COL13A1: variants seen among roughly 807,000 people sequenced by gnomAD.
COL13A1 encodes collagen alpha-1(XIII) chain.
COL13A1 carries 89 observed loss-of-function variants against 130.9 expected under a neutral mutation model. That is an observed-to-expected ratio of 0.68 (90% CI 0.57 to 0.81). The LOEUF (loss-of-function observed/expected upper bound fraction) is 0.81. Ranked by LOEUF, COL13A1 falls within the 30% of genes least tolerant of loss-of-function variation. The pLI, the probability that COL13A1 is intolerant of heterozygous loss-of-function variation, is 0.00. For synonymous variants in COL13A1, 402 were observed against 341.6 expected (o/e 1.18, Z -1.95); for missense variants, 879 against 934.6 (o/e 0.94, Z 0.78).
chr10:69,875,500 C>T (rs1274653372), intron 5 of COL13A1, among the ~76,000 whole-genome samples: 3 of 152,190 alleles, frequency 2.0e-5, no homozygotes, highest in East Asian at 1.9e-4. Flanking sequence ...ACTGCCACTC[C>T]GCCCCCCAAA....
chr10:69,894,407 C>A (rs1043195240), intron 10 of COL13A1, 145 bp from the exon 11 acceptor site: 1 of 902,018 alleles, frequency 1.1e-6, no homozygotes, highest in Non-Finnish European at 1.7e-6. Flanking sequence ...AATAAGACAT[C>A]TTGAATGTGG....
intron 39 of COL13A1, among the ~76,000 whole-genome samples, chr10:69,954,425 C>A (rs2070234468): frequency 6.6e-6 from 1 of 152,220 alleles, no homozygotes; most frequent in Admixed American, 6.5e-5. Context: ...TTTTCAGAAC[C>A]ATGACTCACT....
chr10:69,889,596 C>T (rs2060961219), intron 10 of COL13A1, among the ~76,000 whole-genome samples, 156 bp downstream of exon 10: 1 of 152,164 alleles, frequency 6.6e-6, no homozygotes, highest in Non-Finnish European at 1.5e-5. Flanking sequence ...GCCCTGGATC[C>T]TCACATCAAT....
Position 69,895,586 on chromosome 10 carries a change from C to A in COL13A1, c.684+10C>A, listed in dbSNP as rs770150592. ...AGAGTACCCACACCGGGTAAGTGAA[C>A]CCCTAAAATTTAGCAGGGCACTTTG... On this transcript the variant is annotated intron_variant, in intron 13 of 40. Transcript: ENST00000645393. 1.2e-6 allele frequency: 2 copies of A among 1,613,870 alleles called. No individual in the cohort carries two copies. The highest frequency in any genetic ancestry group is 3.3e-4 in the Middle Eastern group (2 of 6,062).
At chr10:69,935,582 A>G in intron 32 of COL13A1, among the ~76,000 whole-genome samples, 191 bp downstream of exon 32, 1 of 152,242 alleles carries the variant, frequency 6.6e-6, no homozygotes, top group East Asian at 1.9e-4. Flanking sequence ...CAAGGAGCCC[A>G]GGCATTGCCT....
At chr10:69,842,208 G>A (rs1851792221) in intron 2 of COL13A1, among the ~76,000 whole-genome samples, 1 of 152,196 alleles carries the variant, frequency 6.6e-6, no homozygotes. Flanking sequence ...GAGATCTGAA[G>A]CTTTCATAAG....
intron 1 of COL13A1, among the ~76,000 whole-genome samples, chr10:69,811,213 C>A (rs1020508176): frequency 2.3e-4 from 35 of 152,284 alleles, no homozygotes; most frequent in East Asian, 1.9e-4. Flanking sequence ...CTGCCCACCA[C>A]CCCCTCCCTT....
At position 69,876,526 on chromosome 10, in the gene COL13A1, C is replaced by T. The variant is rs111900859; in HGVS notation, c.435+1363C>T. Among the ~76,000 whole-genome samples, 996 of 152,326 alleles carry T rather than the reference C, an allele frequency of 6.5e-3. 9 individuals are homozygous for T. The highest frequency in any genetic ancestry group is 0.011 in the Non-Finnish European group (717 of 68,030). On this transcript the variant is annotated intron_variant, in intron 5 of 40. Coordinates refer to ENST00000645393, the MANE Select transcript of COL13A1 (RefSeq NM_001368882.1). ...AGGCTGGGAGCCCTGGGCCGCCCCA[C>T]GAGAAGCTCTCCCACCACTTCCCAG...
rs201969867 is a variant in COL13A1 at position 69,879,594 on chromosome 10, AG to A, written c.463-907del. 1.7e-4 allele frequency among the ~76,000 whole-genome samples: 26 copies of A among 152,318 alleles called. No individual in the cohort carries two copies. In the East Asian group the frequency reaches 4.8e-3, roughly 28 times the overall value. ...TGAAATCATCCCTCGCCTGCCTGTA[AG>A]GTATGACATTTTCCAAAATGCGTTT... On this transcript the variant is annotated intron_variant, in intron 6 of 40. Transcript: ENST00000645393.
chr10:69,881,547 T>A (rs2060139084), intron 7 of COL13A1, among the ~76,000 whole-genome samples: 1 of 152,078 alleles, frequency 6.6e-6, no homozygotes, highest in Admixed American at 6.6e-5. Flanking sequence ...AGCGAGGGGT[T>A]GTGGCGAGTG....
At chr10:69,930,140 G>A in intron 29 of COL13A1, 53 bp downstream of exon 29, 3 of 1,586,368 alleles carry the variant, frequency 1.9e-6, no homozygotes, top group Non-Finnish European at 2.6e-6. Context: ...TGGCCCTGGG[G>A]GCAGGAGGTC....
At chr10:69,926,800 G>A (rs1457552285) in intron 26 of COL13A1, among the ~76,000 whole-genome samples, 1 of 152,320 alleles carries the variant, frequency 6.6e-6, no homozygotes, top group Non-Finnish European at 1.5e-5. Flanking sequence ...GTGAAGTAAA[G>A]GTTGCAGTCC....
Position 69,930,063 on chromosome 10 carries a change from C to A in COL13A1, c.1506C>A (p.Gly502=). The A allele has an allele frequency of 6.2e-7, 1 of 1,613,934 alleles. No individual in the cohort carries two copies. The highest frequency in any genetic ancestry group is 8.5e-7 in the Non-Finnish European group (1 of 1,179,826). The change falls in exon 29 of 41, where the codon GGC becomes GGA. Residue 502 remains glycine, a synonymous_variant. Coordinates refer to ENST00000645393, the MANE Select transcript of COL13A1 (RefSeq NM_001368882.1). The stretch of plus-strand genomic sequence containing the variant: ...TACAGGGGGAGATTGGACTGCCAGG[C>A]CCTCCAGGACACGATGGGGAAAAGG... ...PGQKGEIGLP[G]PPGHDGEKGP...
chr10:69,913,392 G>A (rs1283085470), intron 17 of COL13A1, among the ~76,000 whole-genome samples: 1 of 152,206 alleles, frequency 6.6e-6, no homozygotes, highest in East Asian at 1.9e-4. Flanking sequence ...GACTGAGTGA[G>A]CCAGGCCCTC....
chr10:69,905,002 T>C (rs751746140), intron 16 of COL13A1, 43 bp downstream of exon 16: 2 of 1,554,624 alleles, frequency 1.3e-6, no homozygotes, highest in African/African-American at 1.4e-5. Context: ...GTGGGAGAAT[T>C]CCCTGCAGGA....
At chr10:69,920,192 G>C (rs948930536) in intron 21 of COL13A1, among the ~76,000 whole-genome samples, 2 of 152,228 alleles carry the variant, frequency 1.3e-5, no homozygotes, top group African/African-American at 4.8e-5. Flanking sequence ...AGGTGCCAAG[G>C]AGACGACACC....
At chr10:69,830,303 A>G (rs1208049674) in intron 2 of COL13A1, among the ~76,000 whole-genome samples, 1 of 152,246 alleles carries the variant, frequency 6.6e-6, no homozygotes, top group Non-Finnish European at 1.5e-5. Context: ...GTAAGAAAAA[A>G]GGAAAAGAAA....
At chr10:69,926,497 A>C (rs1253641188) in intron 26 of COL13A1, among the ~76,000 whole-genome samples, 2 of 151,844 alleles carry the variant, frequency 1.3e-5, no homozygotes, top group Admixed American at 6.6e-5. Flanking sequence ...TCCAGACATG[A>C]CCAGTTATCC....
intron 2 of COL13A1, among the ~76,000 whole-genome samples, chr10:69,848,367 T>C (rs1853720309): frequency 6.6e-6 from 1 of 152,188 alleles, no homozygotes; most frequent in South Asian, 2.1e-4. Context: ...CCCTTACATA[T>C]GTGTATATGT....
Sources: allele counts gnomAD v4.1 joint callset (sites outside exome capture counted in the v4.1 genomes callset), GRCh38; gene constraint gnomAD v4.1.1; transcripts MANE v1.5; gene names NCBI Gene and HGNC (gene_info 2026-07-23, HGNC 2026-07-21).